Variants in MPHOSPH9 observed in about 807,000 individuals in gnomAD.
MPHOSPH9 encodes M-phase phosphoprotein 9.
A neutral mutation model predicts 145.5 loss-of-function variants in MPHOSPH9; 88 were observed. The observed-to-expected ratio is 0.60, with a 90% CI of 0.51 to 0.72. MPHOSPH9 has a LOEUF of 0.72. Ranked by LOEUF, MPHOSPH9 falls within the 30% of genes least tolerant of loss-of-function variation. The probability of loss-of-function intolerance (pLI) is 0.00; values close to 1 mark genes in which losing one functional copy is unlikely to be tolerated. For missense variants in MPHOSPH9, 1,238 were observed against 1,386.6 expected (o/e 0.89, Z 1.70); for synonymous variants, 435 against 486.2 (o/e 0.89, Z 1.39).
chr12:123,170,568 C>A (rs1356111329), intron 16 of MPHOSPH9, among the ~76,000 whole-genome samples: 1 of 152,188 alleles, frequency 6.6e-6, no homozygotes, highest in Admixed American at 6.5e-5. Flanking sequence ...AGACGTGAGC[C>A]ACCACACCTG....
At position 123,166,649 on chromosome 12, in the gene MPHOSPH9, T is replaced by A; in HGVS notation, c.2591+6A>T. 1 of 1,610,092 alleles carries A rather than the reference T, an allele frequency of 6.2e-7. No homozygotes were observed. The highest frequency in any genetic ancestry group is 8.5e-7 in the Non-Finnish European group (1 of 1,179,010). ...CTAAATAGAATCTTTAGCAAAGTTA[T>A]CTCACCCTAGGCTACAGGTTTCCTC... On this transcript the variant is annotated splice_donor_region_variant and intron_variant, in intron 17 of 23. Transcript: ENST00000606320.
rs989971735 is a variant in MPHOSPH9, at chr12:123,222,403, C to T, written c.349-508G>A. Among the ~76,000 whole-genome samples the T allele has an allele frequency of 5.3e-5, 8 of 151,560 alleles. No individual in the cohort carries two copies. In the East Asian group the frequency reaches 1.6e-3, roughly 30 times the overall value. On this transcript the variant is annotated intron_variant, in intron 4 of 23. Coordinates refer to ENST00000606320, the MANE Select transcript of MPHOSPH9 (RefSeq NM_022782.4). Reference sequence around the variant, plus strand: ...AAAGGATGCTGGGTGTGGTGGCTCACGCCTGTAATCCCAGCACTTTGGGAG... The same window carrying T: ...AAAGGATGCTGGGTGTGGTGGCTCATGCCTGTAATCCCAGCACTTTGGGAG...
intron 13 of MPHOSPH9, among the ~76,000 whole-genome samples, chr12:123,186,238 A>C (rs1309525269): frequency 1.3e-5 from 2 of 151,352 alleles, no homozygotes; most frequent in Non-Finnish European, 2.9e-5. Flanking sequence ...AAAAAAAAAA[A>C]AAAAAAAAAA....
chr12:123,214,724 T>C lies in MPHOSPH9; in HGVS notation c.1087+20A>G. The C allele has an allele frequency of 6.3e-7, 1 of 1,576,608 alleles. No individual in the cohort carries two copies. Among genetic ancestry groups the C allele is most frequent in the Non-Finnish European group, 8.7e-7 (1 of 1,150,412 alleles). Reference sequence around the variant, plus strand: ...TGTATGTAGTTTAGGTTAAAAAAAATAAAAATGTAAGTATCATACCTGTTC... The same window carrying C: ...TGTATGTAGTTTAGGTTAAAAAAAACAAAAATGTAAGTATCATACCTGTTC... On this transcript the variant is annotated intron_variant, in intron 7 of 23. Coordinates refer to ENST00000606320, the MANE Select transcript of MPHOSPH9 (RefSeq NM_022782.4).
intron 8 of MPHOSPH9, among the ~76,000 whole-genome samples, chr12:123,209,409 G>GA (rs1565953784): frequency 7.3e-5 from 11 of 149,826 alleles, no homozygotes; most frequent in Non-Finnish European, 1.5e-5. Context: ...AACACACACA[G>GA]TTTTTTTTTT....
At chr12:123,165,061 T>C (rs964836807) in intron 18 of MPHOSPH9, among the ~76,000 whole-genome samples, 4 of 149,052 alleles carry the variant, frequency 2.7e-5, no homozygotes, top group Non-Finnish European at 6.0e-5. Context: ...GCCTTTTTCA[T>C]AATCGGAATG....
intron 1 of MPHOSPH9, among the ~76,000 whole-genome samples, chr12:123,242,019 G>T (rs1310814302): frequency 6.6e-6 from 1 of 152,204 alleles, no homozygotes; most frequent in Non-Finnish European, 1.5e-5. Context: ...GTTTGTGCTT[G>T]TCTTCATTTC....
At chr12:123,228,106 A>G (rs1468813358) in intron 2 of MPHOSPH9, among the ~76,000 whole-genome samples, 3 of 152,178 alleles carry the variant, frequency 2.0e-5, no homozygotes, top group East Asian at 3.9e-4. Context: ...TGTGCCAAGC[A>G]AATCAGCAGC....
chr12:123,173,841 A>T (rs1716175), intron 16 of MPHOSPH9, among the ~76,000 whole-genome samples: 98,246 of 152,096 alleles, frequency 0.65, 36,289 homozygotes, highest in East Asian at 1. Flanking sequence ...GGTAAACATG[A>T]TTCTCTGAGT....
rs780927139 is a variant in MPHOSPH9 at position 123,166,713 on chromosome 12, G to A, written c.2533C>T (p.Pro845Ser). The A allele has an allele frequency of 8.1e-6, 13 of 1,613,960 alleles. No homozygotes were observed. The East Asian group carries it at 2.7e-4, about 33-fold the overall frequency. The change falls in exon 17 of 24, where the codon CCT becomes TCT. Residue 845 changes from proline to serine, a missense_variant. Physicochemically the swap from Pro to Ser is moderately conservative, Grantham distance 74 (BLOSUM62 -1). Around this residue, in one of 3 missense-constraint regions of MPHOSPH9, gnomAD observed 393 missense variants for 462.5 expected, o/e 0.85. Coordinates refer to ENST00000606320, the MANE Select transcript of MPHOSPH9 (RefSeq NM_022782.4). Reference sequence around the variant, plus strand: ...ACGTTACTGTCCTGGGTGTCCAGAGGCTGGCCAGTAAAGATGGAATACTCT... The same window carrying A: ...ACGTTACTGTCCTGGGTGTCCAGAGACTGGCCAGTAAAGATGGAATACTCT... ...GAEYSIFTGQ[P>S]LDTQDSNVDN...
chr12:123,205,583 G>T (rs1469809791), intron 8 of MPHOSPH9, among the ~76,000 whole-genome samples: 1 of 151,918 alleles, frequency 6.6e-6, no homozygotes, highest in Admixed American at 6.6e-5. Flanking sequence ...TAATCCTGCT[G>T]TAGAATTCAT....
At chr12:123,166,834 A>G in intron 16 of MPHOSPH9, 45 bp from the exon 17 acceptor site, 1 of 1,585,750 alleles carries the variant, frequency 6.3e-7, no homozygotes, top group Non-Finnish European at 8.6e-7. Flanking sequence ...TCTGCACTTC[A>G]TTTCAGACTG....
chr12:123,229,069 T>C (rs1389876243), intron 2 of MPHOSPH9, among the ~76,000 whole-genome samples: 2 of 152,206 alleles, frequency 1.3e-5, no homozygotes, highest in Admixed American at 1.3e-4. Flanking sequence ...TATATACCCA[T>C]GTAAGCTGCC....
intron 8 of MPHOSPH9, 37 bp downstream of exon 8, chr12:123,210,019 A>C (rs752100040): frequency 6.7e-7 from 1 of 1,493,294 alleles, no homozygotes; most frequent in Non-Finnish European, 9.2e-7. Flanking sequence ...TACAGGCGTA[A>C]GCCACCGCGC....
intron 14 of MPHOSPH9, 74 bp downstream of exon 14, chr12:123,181,089 G>A: frequency 1.5e-6 from 2 of 1,377,132 alleles, no homozygotes; most frequent in Non-Finnish European, 2.1e-6. Context: ...GAGGAGAAGA[G>A]TCAGATCCCT....
At chr12:123,224,742 A>T (rs981424219) in intron 3 of MPHOSPH9, among the ~76,000 whole-genome samples, 7 of 152,212 alleles carry the variant, frequency 4.6e-5, no homozygotes, top group African/African-American at 1.7e-4. Flanking sequence ...TATGTTATAA[A>T]ACAATAAATA....
intron 12 of MPHOSPH9, among the ~76,000 whole-genome samples, chr12:123,195,398 AACATG>A (rs1565935367): frequency 1.3e-5 from 2 of 151,684 alleles, no homozygotes; most frequent in Non-Finnish European, 2.9e-5. Context: ...CAGCCTGGCC[AACATG>A]GTGAAACCCC....
At chr12:123,181,543 CA>C (rs1390412273) in intron 13 of MPHOSPH9, among the ~76,000 whole-genome samples, 5 of 148,096 alleles carry the variant, frequency 3.4e-5, no homozygotes, top group African/African-American at 1.2e-4. Context: ...CTCGTCTCTT[CA>C]AAAACAAAAA....
chr12:123,204,036 G>A (rs1292133865), intron 8 of MPHOSPH9, among the ~76,000 whole-genome samples: 1 of 152,036 alleles, frequency 6.6e-6, no homozygotes, highest in Non-Finnish European at 1.5e-5. Flanking sequence ...AGGCGCAGTG[G>A]CTCATGCCTA....
Sources: gnomAD v4.1 joint callset for allele counts (sites outside exome capture counted in the v4.1 genomes callset) on GRCh38, gnomAD v4.1.1 for gene constraint, gnomAD v4.1.1 regional missense constraint, MANE v1.5 for transcripts, NCBI Gene and HGNC (gene_info 2026-07-23, HGNC 2026-07-21) for gene names.